SRPK2: variants seen among roughly 807,000 people sequenced by gnomAD.
SRPK2 encodes the protein SRSF protein kinase 2.
SRPK2 carries 21 observed loss-of-function variants against 90.8 expected under a neutral mutation model. The ratio of observed to expected loss-of-function variants is 0.23; its 90% CI spans 0.16 to 0.33. The LOEUF (loss-of-function observed/expected upper bound fraction) is 0.33, where lower values mean the gene tolerates loss of function less well. Among genes scored for constraint, SRPK2 ranks in the 10% least tolerant of loss-of-function variants. The pLI is 1.00. For synonymous variants in SRPK2, 288 were observed against 311.1 expected, an observed-to-expected ratio of 0.93 and a Z score of 0.78; for missense variants, 620 against 869.0, an observed-to-expected ratio of 0.71 and a Z score of 3.60.
In SRPK2 at chr7:105,133,056, T is replaced by C; in HGVS notation, c.1592A>G (p.Asn531Ser). ...AATTTTTACTCTAATTTTATCTGCA[T>C]TCCGCGGATCCAGGGGATTCACCAA... is the stretch of plus-strand genomic sequence containing the variant. ...DLLVNPLDPR[N>S]ADKIRVKIAD... Residue 531 changes from asparagine (N) to serine (S), a missense_variant, in exon 12 of 16, where the codon AAT becomes AGT. Asn to Ser is a conservative substitution (Grantham distance 46, BLOSUM62 1). Transcript: ENST00000393651. 1 of 1,614,202 alleles carries C rather than the reference T, an allele frequency of 6.2e-7. No individual in the cohort carries two copies.
chr7:105,363,398 A>G lies in SRPK2; in HGVS notation c.71+25250T>C, dbSNP rs575360095. 9.2e-5 allele frequency among the ~76,000 whole-genome samples: 14 copies of G among 152,340 alleles called. No homozygotes were observed. In the East Asian group the frequency reaches 2.7e-3, roughly 29 times the overall value. ...GAACAGACACTTCTCAAAAGAAGACATTTATGCAACCAACAGACACATGAA... is the reference window on the plus strand; with the variant it reads ...GAACAGACACTTCTCAAAAGAAGACGTTTATGCAACCAACAGACACATGAA... On this transcript the variant is annotated intron_variant, in intron 2 of 15. Coordinates refer to ENST00000393651, the MANE Select transcript of SRPK2 (RefSeq NM_182692.3).
intron 3 of SRPK2, among the ~76,000 whole-genome samples, chr7:105,196,122 AT>A (rs1177049739): frequency 6.6e-6 from 1 of 152,210 alleles, no homozygotes; most frequent in Non-Finnish European, 1.5e-5. Context: ...AGGAGTCAGA[AT>A]CTCCTTGGTC....
At chr7:105,244,820 G>T (rs758727167) in intron 2 of SRPK2, 6 of 975,354 alleles carry the variant, frequency 6.2e-6, no homozygotes, top group Non-Finnish European at 1.0e-5. Context: ...CAAGCAGCAC[G>T]CCAAGGAGTT....
intron 11 of SRPK2, among the ~76,000 whole-genome samples, chr7:105,137,129 T>G (rs552567468): frequency 6.6e-6 from 1 of 152,078 alleles, no homozygotes; most frequent in Admixed American, 6.5e-5. Flanking sequence ...TAAGAGAAGT[T>G]TGAGGCAAAG....
At chr7:105,249,836 C>G (rs530684370) in intron 2 of SRPK2, among the ~76,000 whole-genome samples, 1 of 152,234 alleles carries the variant, frequency 6.6e-6, no homozygotes, top group African/African-American at 2.4e-5. Context: ...ACTTCCAAAA[C>G]CTCAACTATA....
chr7:105,243,609 T>A (rs1585322308), intron 2 of SRPK2, among the ~76,000 whole-genome samples: 1 of 113,292 alleles, frequency 8.8e-6, no homozygotes. Context: ...CCAGTCTGGG[T>A]AACAGAGAGA....
intron 2 of SRPK2, 134 bp downstream of exon 2, chr7:105,388,514 G>A (rs1821924153): frequency 7.3e-6 from 4 of 546,502 alleles, no homozygotes; most frequent in East Asian, 5.1e-5. Flanking sequence ...CCGGGGGCAG[G>A]AGCCGAGCGC....
At chr7:105,270,613 T>C (rs188731460) in intron 2 of SRPK2, among the ~76,000 whole-genome samples, 214 of 152,166 alleles carry the variant, frequency 1.4e-3, no homozygotes, top group African/African-American at 4.8e-3. Flanking sequence ...TTCACCATGT[T>C]GGTCAGGCTG....
chr7:105,381,407 T>A (rs528330878), intron 2 of SRPK2, among the ~76,000 whole-genome samples: 27 of 152,026 alleles, frequency 1.8e-4, no homozygotes. Context: ...AAACCCTGTC[T>A]CAGTGAGCCA....
chr7:105,201,325 C>A (rs1303461562), intron 3 of SRPK2, among the ~76,000 whole-genome samples: 1 of 152,122 alleles, frequency 6.6e-6, no homozygotes, highest in African/African-American at 2.4e-5. Context: ...AAGGAGGGAA[C>A]CTTACTATCT....
At chr7:105,313,098 A>G (rs1811901914) in intron 2 of SRPK2, among the ~76,000 whole-genome samples, 1 of 152,170 alleles carries the variant, frequency 6.6e-6, no homozygotes, top group South Asian at 2.1e-4. Flanking sequence ...CATTATATGC[A>G]TGTAAGGGGA....
intron 2 of SRPK2, among the ~76,000 whole-genome samples, chr7:105,211,926 T>G (rs994775753): frequency 6.6e-6 from 1 of 151,968 alleles, no homozygotes; most frequent in Non-Finnish European, 1.5e-5. Flanking sequence ...AAGAAAGGAG[T>G]TGGTGTTCTA....
At chr7:105,258,153 T>C (rs1414636992) in intron 2 of SRPK2, among the ~76,000 whole-genome samples, 1 of 149,692 alleles carries the variant, frequency 6.7e-6, no homozygotes, top group African/African-American at 2.5e-5. Context: ...GTGCGGTGGA[T>C]CACGCCTGTA....
At chr7:105,153,286 T>TC (rs1336577157) in intron 7 of SRPK2, among the ~76,000 whole-genome samples, 1 of 152,102 alleles carries the variant, frequency 6.6e-6, no homozygotes, top group East Asian at 1.9e-4. Context: ...AAGCCCCGAG[T>TC]CCCATTCCAA....
At chr7:105,150,448 G>A (rs543343907) in intron 7 of SRPK2, among the ~76,000 whole-genome samples, 1 of 152,286 alleles carries the variant, frequency 6.6e-6, no homozygotes, top group East Asian at 1.9e-4. Context: ...GGCACAAGGC[G>A]GAGGTCACAG....
intron 6 of SRPK2, among the ~76,000 whole-genome samples, chr7:105,162,642 C>T (rs541527700): frequency 6.6e-6 from 1 of 152,306 alleles, no homozygotes; most frequent in Non-Finnish European, 1.5e-5. Flanking sequence ...GATTTATGCG[C>T]AGATAATCTA....
At chr7:105,310,425 C>G (rs1292103623) in intron 2 of SRPK2, among the ~76,000 whole-genome samples, 2 of 151,972 alleles carry the variant, frequency 1.3e-5, no homozygotes, top group Non-Finnish European at 2.9e-5. Flanking sequence ...GGTGGCTCAC[C>G]TGAGCTCAGG....
intron 2 of SRPK2, among the ~76,000 whole-genome samples, chr7:105,293,161 G>A (rs970909345): frequency 6.6e-6 from 1 of 152,122 alleles, no homozygotes; most frequent in African/African-American, 2.4e-5. Context: ...GGCCGGGCAT[G>A]GTGGTGGATG....
intron 2 of SRPK2, among the ~76,000 whole-genome samples, chr7:105,223,169 C>A (rs1350903281): frequency 6.6e-6 from 1 of 152,178 alleles, no homozygotes; most frequent in Admixed American, 6.5e-5. Flanking sequence ...TTGTCCAGAC[C>A]GGGCTCAAGC....
Sources: gnomAD v4.1 joint callset for allele counts (sites outside exome capture counted in the v4.1 genomes callset) on GRCh38, gnomAD v4.1.1 for gene constraint, MANE v1.5 for transcripts, NCBI Gene and HGNC (gene_info 2026-07-23, HGNC 2026-07-21) for gene names.